KIF3C: variants seen among roughly 807,000 people sequenced by gnomAD.
KIF3C encodes the protein kinesin family member 3C, also known as kinesin-like protein KIF3C.
Under a neutral mutation model 67.7 loss-of-function variants are expected in KIF3C, and 12 were observed. That is an observed-to-expected ratio of 0.18 (90% CI 0.11 to 0.29). KIF3C has a LOEUF of 0.29. KIF3C is among the 10% of genes least tolerant of loss of function. The pLI is 1.00. For synonymous variants in KIF3C, 393 were observed against 426.2 expected, an observed-to-expected ratio of 0.92 and a Z score of 0.96; for missense variants, 789 against 1,059.6, an observed-to-expected ratio of 0.74 and a Z score of 3.55.
At chr2:25,932,527 TC>T (rs1462000897) in intron 5 of KIF3C, among the ~76,000 whole-genome samples, 1 of 151,992 alleles carries the variant, frequency 6.6e-6, no homozygotes, top group Non-Finnish European at 1.5e-5. Flanking sequence ...CTCACATTTC[TC>T]AGTTTCAAAA....
rs1366394501 is a variant in KIF3C, at chr2:25,927,642, C to T, written c.*1336G>A. The T allele has an allele frequency of 2.0e-5, 3 of 152,132 alleles. No individual in the cohort carries two copies. Among genetic ancestry groups the T allele is most frequent in the Non-Finnish European group, 4.4e-5 (3 of 68,028 alleles). 9.4% of individuals were successfully genotyped at this position (152,132 alleles called of 1,614,324 possible). ...TCATGGTTTCACCCCAACGACAGCA[C>T]TCTTCATATTCTAGGAACTGGAGAC... On this transcript the variant is annotated 3_prime_UTR_variant, in exon 8 of 8. Coordinates refer to ENST00000264712, the MANE Select transcript of KIF3C (RefSeq NM_002254.8).
At chr2:25,962,921 A>G (rs1474772559) in intron 1 of KIF3C, among the ~76,000 whole-genome samples, 1 of 48,236 alleles carries the variant, frequency 2.1e-5, no homozygotes, top group African/African-American at 1.5e-4. Flanking sequence ...TAATATATAT[A>G]ATATATAATA....
intron 1 of KIF3C, among the ~76,000 whole-genome samples, chr2:25,978,317 A>AG (rs1664469079): frequency 6.6e-6 from 1 of 152,142 alleles, no homozygotes; most frequent in Admixed American, 6.6e-5. Flanking sequence ...GGTTGTTGGG[A>AG]GGATCGAATG....
In KIF3C at chr2:25,964,277, G is replaced by C. The variant is rs187411773; in HGVS notation, c.1546-7833C>G. ...CCACTGTACTCTAGCCTGGGCCACA[G>C]AGCAAGACTCTGTCTCAAAAATAAA... is the stretch of plus-strand genomic sequence containing the variant. On this transcript the variant is annotated intron_variant, in intron 1 of 7. Transcript: ENST00000264712. Among the ~76,000 whole-genome samples the C allele has an allele frequency of 2.6e-5, 4 of 152,176 alleles. No individual in the cohort carries two copies. The East Asian group carries it at 7.8e-4, about 30-fold the overall frequency.
intron 5 of KIF3C, among the ~76,000 whole-genome samples, 192 bp from the exon 6 acceptor site, chr2:25,930,255 C>T (rs1424375869): frequency 6.6e-6 from 1 of 152,236 alleles, no homozygotes; most frequent in Non-Finnish European, 1.5e-5. Flanking sequence ...CGTGGTTTCG[C>T]TTTCCACAGT....
At chr2:25,948,656 G>A (rs1663512614) in intron 5 of KIF3C, among the ~76,000 whole-genome samples, 1 of 144,594 alleles carries the variant, frequency 6.9e-6, no homozygotes, top group African/African-American at 2.6e-5. Flanking sequence ...AAGAGAGAAA[G>A]AGAAAGAGAG....
chr2:25,927,235 C>G lies in KIF3C; in HGVS notation c.*1743G>C, dbSNP rs1028140293. 1.3e-5 allele frequency: 2 copies of G among 152,662 alleles called. No homozygotes were observed. The highest frequency in any genetic ancestry group is 2.9e-5 in the Non-Finnish European group (2 of 68,062). 9.5% of individuals were successfully genotyped at this position (152,662 alleles called of 1,614,324 possible). On this transcript the variant is annotated 3_prime_UTR_variant, in exon 8 of 8. Coordinates refer to ENST00000264712, the MANE Select transcript of KIF3C (RefSeq NM_002254.8). ...TGATACGTGCTGCTTTGTCCACAAA[C>G]GAGAAAGAGGTCAGTGGGAGAGGCT...
Position 25,980,692 on chromosome 2 carries a change from C to T in KIF3C, c.1226G>A (p.Ser409Asn). 2 of 1,614,188 alleles carry T rather than the reference C, an allele frequency of 1.2e-6. No homozygotes were observed. The highest frequency in any genetic ancestry group is 1.3e-5 in the African/African-American group (1 of 75,054). The stretch of plus-strand genomic sequence containing the variant: ...GGCGGACACGGCCTTCTTCCTGCGG[C>T]TGCTCTTCCTCCGGGGCCGCTTCCC... The part of the protein sequence containing the change: ...MLGKRPRRKS[S>N]RRKKAVSAPP... The change falls in exon 1 of 8, where the codon AGC (serine) becomes AAC (asparagine). Residue 409 changes from serine (S) to asparagine (N), a missense_variant. Coordinates refer to ENST00000264712, the MANE Select transcript of KIF3C (RefSeq NM_002254.8). The surrounding 1 kb of genome is among the most constrained non-coding windows in gnomAD (Gnocchi z 7.6).
chr2:25,947,575 C>T (rs34416183), intron 5 of KIF3C, among the ~76,000 whole-genome samples: 28,362 of 149,996 alleles, frequency 0.19, 3,082 homozygotes, highest in African/African-American at 0.3. Flanking sequence ...AGCGAGACTG[C>T]CTCAAAAAAA....
rs934936368 is a variant in KIF3C at position 25,927,708 on chromosome 2, T to G, written c.*1270A>C. On this transcript the variant is annotated 3_prime_UTR_variant, in exon 8 of 8. Coordinates refer to ENST00000264712, the MANE Select transcript of KIF3C (RefSeq NM_002254.8). ...ACTTTGAAATCCTAATTCACTCGCT[T>G]GCTTTCGTTATGACCTCTTCACCCG... 6.6e-6 allele frequency: 1 copy of G among 152,232 alleles called. No individual in the cohort carries two copies. Among genetic ancestry groups the G allele is most frequent in the Non-Finnish European group, 1.5e-5 (1 of 68,034 alleles). The allele number at this position is 152,232 out of a possible 1,614,324, so 9.4% of individuals were successfully genotyped here.
At chr2:25,968,570 G>A (rs1213308925) in intron 1 of KIF3C, among the ~76,000 whole-genome samples, 1 of 152,158 alleles carries the variant, frequency 6.6e-6, no homozygotes, top group Non-Finnish European at 1.5e-5. Context: ...AGCAAATCCA[G>A]ACAACAGAAT....
chr2:25,948,646 AAG>A (rs942612625), intron 5 of KIF3C, among the ~76,000 whole-genome samples: 1 of 139,424 alleles, frequency 7.2e-6, no homozygotes, highest in Non-Finnish European at 1.6e-5. Flanking sequence ...GAGAAAGAGA[AAG>A]AGAGAAAGAG....
rs771649229 is a variant in KIF3C, at chr2:25,981,845, C to T, written c.73G>A (p.Glu25Lys). 1 of 1,608,122 alleles carries T rather than the reference C, an allele frequency of 6.2e-7. No homozygotes were observed. Among genetic ancestry groups the T allele is most frequent in the East Asian group, 2.2e-5 (1 of 44,774 alleles). The change falls in exon 1 of 8, where the codon GAG becomes AAG. Residue 25 changes from glutamate to lysine, a missense_variant. This residue lies in a region of KIF3C where 141 missense variants were observed against 251.8 expected (regional missense o/e 0.56). Transcript: ENST00000264712. This position sits in a 1 kb window ranked among gnomAD's most constrained non-coding sequence, Gnocchi z 8.2. ...ARCRPLSRKE[E>K]AAGHEQILTM... ...AGGATCTGCTCGTGACCAGCAGCCTCCTCCTTCCTGCTGAGGGGGCGGCAC... is the reference window on the plus strand; with the variant it reads ...AGGATCTGCTCGTGACCAGCAGCCTTCTCCTTCCTGCTGAGGGGGCGGCAC...
intron 1 of KIF3C, among the ~76,000 whole-genome samples, chr2:25,970,965 GAAAAAAAAAAAA>G (rs970182694): frequency 1.0e-4 from 5 of 49,338 alleles, no homozygotes; most frequent in Admixed American, 4.9e-4. Context: ...CTCTATGAAG[GAAAAAAAAAAAA>G]AAAAAAAAAA....
rs767011528 is a variant in KIF3C at position 25,980,591 on chromosome 2, G to A, written c.1327C>T (p.Arg443Cys). The change falls in exon 1 of 8, where the codon CGC (arginine) becomes TGC (cysteine). Residue 443 changes from arginine to cysteine, a missense_variant. By Grantham distance (180) the Arg-to-Cys change is radical. This residue lies in a region of KIF3C where 648 missense variants were observed against 807.8 expected (regional missense o/e 0.80). Transcript: ENST00000264712. This position sits in a 1 kb window ranked among gnomAD's most constrained non-coding sequence, Gnocchi z 7.6. ...GACTCCAGGATGGGCTGGGGCGGGC[G>A]GTGGTTGTTGTTGTTGTCATCCTCC... ...EEEDDNNNNHRPPQPILESAL... is the reference protein window; with the variant it reads ...EEEDDNNNNHCPPQPILESAL... The A allele has an allele frequency of 1.1e-5, 18 of 1,613,896 alleles. No individual in the cohort carries two copies. The highest frequency in any genetic ancestry group is 4.4e-5 in the South Asian group (4 of 91,092).
At position 25,944,909 on chromosome 2, in the gene KIF3C, TCAC is replaced by T. The variant is rs1446566856; in HGVS notation, c.2006+6877_2006+6879del. ...ACTTTGGGAGGCTGAGGTGAGTGGA[TCAC>T]CTGAGGTCAGGAGTTCAAGATCAGC... On this transcript the variant is annotated intron_variant, in intron 5 of 7. Coordinates refer to ENST00000264712, the MANE Select transcript of KIF3C (RefSeq NM_002254.8). Among the ~76,000 whole-genome samples the T allele has an allele frequency of 2.0e-5, 3 of 152,058 alleles. No individual in the cohort carries two copies. In the East Asian group the frequency reaches 5.8e-4, roughly 29 times the overall value.
At chr2:25,975,827 G>A (rs1209799061) in intron 1 of KIF3C, among the ~76,000 whole-genome samples, 1 of 151,958 alleles carries the variant, frequency 6.6e-6, no homozygotes, top group South Asian at 2.1e-4. Context: ...GCGTGGTGGT[G>A]GGCGCCTGTA....
chr2:25,952,166 G>T (rs528955850), intron 4 of KIF3C, among the ~76,000 whole-genome samples: 45 of 152,248 alleles, frequency 3.0e-4, no homozygotes, highest in Middle Eastern at 3.4e-3. Context: ...TGGGCGTGGT[G>T]GTGGGTGCCT....
Position 25,981,976 on chromosome 2 carries a change from C to A in KIF3C, c.-59G>T. ...TCCGCAGCCTGGGCGGTCCTGCTAT[C>A]CTGCTCGCTAGGTCGGGATCAGCGG... On this transcript the variant is annotated 5_prime_UTR_variant, in exon 1 of 8. Coordinates refer to ENST00000264712, the MANE Select transcript of KIF3C (RefSeq NM_002254.8). The surrounding 1 kb of genome is among the most constrained non-coding windows in gnomAD (Gnocchi z 8.2). 7.2e-7 allele frequency: 1 copy of A among 1,397,822 alleles called. No homozygotes were observed. The highest frequency in any genetic ancestry group is 9.6e-7 in the Non-Finnish European group (1 of 1,046,646). The allele number at this position is 1,397,822 out of a possible 1,614,324, so 86.6% of individuals were successfully genotyped here.
Sources: allele counts gnomAD v4.1 joint callset (sites outside exome capture counted in the v4.1 genomes callset), GRCh38; gene constraint gnomAD v4.1.1; regional missense constraint gnomAD v4.1.1; non-coding constraint Gnocchi (gnomAD v3.1); transcripts MANE v1.5; gene names NCBI Gene and HGNC (gene_info 2026-07-23, HGNC 2026-07-21).